The following CTNNA3 variants were observed in gnomAD, a reference collection of about 807,000 sequenced individuals.
CTNNA3 encodes the protein catenin alpha-3.
CTNNA3 carries 76 observed loss-of-function variants against 95.7 expected under a neutral mutation model. That is an observed-to-expected ratio of 0.79 (90% confidence interval 0.66 to 0.96). The LOEUF is 0.96. CTNNA3 is among the 40% of genes least tolerant of loss of function. The probability of loss-of-function intolerance (pLI) is 0.00; values close to 1 mark genes in which losing one functional copy is unlikely to be tolerated. For missense variants in CTNNA3, 1,191 were observed against 1,089.8 expected (o/e 1.09, Z -1.31); for synonymous variants, 431 against 374.4 (o/e 1.15, Z -1.74).
At position 67,087,608 on chromosome 10, in the gene CTNNA3, G is replaced by C. The variant is rs367916088; in HGVS notation, c.1047+92709C>G. ...TAGTTAAAATCAAATAAAAAATAAA[G>C]TGGATCTCAAACATCATAATGCAGT... On this transcript the variant is annotated intron_variant, in intron 7 of 17. Coordinates refer to ENST00000433211, the MANE Select transcript of CTNNA3 (RefSeq NM_013266.4). Among the ~76,000 whole-genome samples the C allele has an allele frequency of 4.8e-4, 73 of 151,912 alleles. 2 individuals are homozygous for C. The South Asian group carries it at 0.015, about 31-fold the overall frequency.
At chr10:67,199,154 G>A (rs190423384) in intron 6 of CTNNA3, among the ~76,000 whole-genome samples, 178 of 152,182 alleles carry the variant, frequency 1.2e-3, no homozygotes, top group Non-Finnish European at 1.4e-3. Flanking sequence ...AAAAGAAAGT[G>A]AAAGTAAAGA....
At chr10:65,955,463 G>A (rs542824445) in intron 17 of CTNNA3, among the ~76,000 whole-genome samples, 108 of 152,092 alleles carry the variant, frequency 7.1e-4, no homozygotes, top group Non-Finnish European at 1.2e-3. Context: ...CCTGTCTTGC[G>A]CCAGTTTTCA....
At chr10:66,192,730 A>G (rs1275353256) in intron 13 of CTNNA3, among the ~76,000 whole-genome samples, 3 of 152,062 alleles carry the variant, frequency 2.0e-5, no homozygotes, top group Admixed American at 6.6e-5. Flanking sequence ...GATGTTTGCA[A>G]TTTCTTTACC....
At chr10:66,472,307 T>C (rs1839165215) in intron 11 of CTNNA3, among the ~76,000 whole-genome samples, 1 of 151,908 alleles carries the variant, frequency 6.6e-6, no homozygotes, top group South Asian at 2.1e-4. Context: ...GGCAGTGTGT[T>C]CTACAGCAAA....
chr10:65,950,146 T>A (rs1443617827), intron 17 of CTNNA3, among the ~76,000 whole-genome samples: 4 of 150,362 alleles, frequency 2.7e-5, no homozygotes, highest in African/African-American at 9.7e-5. Flanking sequence ...ATTTCATTGA[T>A]TTTGCTAGGG....
intron 14 of CTNNA3, among the ~76,000 whole-genome samples, chr10:66,075,683 T>C (rs2080537173): frequency 6.6e-6 from 1 of 151,758 alleles, no homozygotes; most frequent in South Asian, 2.1e-4. Flanking sequence ...TATAATTATC[T>C]TATTCTCAGA....
chr10:66,830,405 TAGA>T (rs1261242639), intron 7 of CTNNA3, among the ~76,000 whole-genome samples: 1 of 151,604 alleles, frequency 6.6e-6, no homozygotes, highest in Non-Finnish European at 1.5e-5. Flanking sequence ...CATAGAATCT[TAGA>T]AGATTAGAAT....
intron 11 of CTNNA3, among the ~76,000 whole-genome samples, chr10:66,389,537 G>A (rs189101672): frequency 3.0e-4 from 46 of 152,010 alleles, no homozygotes; most frequent in Middle Eastern, 3.4e-3. Context: ...CTATTTTGTT[G>A]GAAAATAGTA....
At position 66,927,441 on chromosome 10, in the gene CTNNA3, A is replaced by C. The variant is rs1847142142; in HGVS notation, c.1048-151917T>G. The C allele has an allele frequency of 6.2e-7, 1 of 1,614,144 alleles. No homozygotes were observed. Among genetic ancestry groups the C allele is most frequent in the Non-Finnish European group, 8.5e-7 (1 of 1,180,044 alleles). On this transcript the variant is annotated intron_variant, in intron 7 of 17. Transcript: ENST00000433211. This position sits in a 1 kb window ranked among gnomAD's most constrained non-coding sequence, Gnocchi z 4.7. ...ACTCCCTGAGAACCATCCCTGTGCG[A>C]ATATTCCAAGACTGCCGCAACCTGG...
intron 12 of CTNNA3, among the ~76,000 whole-genome samples, chr10:66,331,342 GTTT>G (rs60709020): frequency 0.051 from 4,123 of 80,372 alleles, 1,042 homozygotes; most frequent in East Asian, 0.08. Context: ...CCCATTGTTT[GTTT>G]TTTTTTTTTT....
Position 66,700,970 on chromosome 10 carries a change from T to C in CTNNA3, c.1281+65294A>G, listed in dbSNP as rs115902545. On this transcript the variant is annotated intron_variant, in intron 9 of 17. Coordinates refer to ENST00000433211, the MANE Select transcript of CTNNA3 (RefSeq NM_013266.4). ...CTTTCTCTCTCATACTTTCCTACTA[T>C]TTTTAACAGCTTTATTGAGTTAAAA... is the stretch of plus-strand genomic sequence containing the variant. Among the ~76,000 whole-genome samples, 719 of 152,312 alleles carry C rather than the reference T, an allele frequency of 4.7e-3. 4 individuals are homozygous for C. Among genetic ancestry groups the C allele is most frequent in the African/African-American group, 0.016 (677 of 41,570 alleles).
intron 9 of CTNNA3, among the ~76,000 whole-genome samples, chr10:66,647,456 T>G (rs528779747): frequency 6.6e-6 from 1 of 152,196 alleles, no homozygotes; most frequent in South Asian, 2.1e-4. Flanking sequence ...CACAATGTAG[T>G]TAACATTTAA....
chr10:66,733,545 T>C (rs757644210), intron 9 of CTNNA3, among the ~76,000 whole-genome samples: 1 of 151,762 alleles, frequency 6.6e-6, no homozygotes, highest in Non-Finnish European at 1.5e-5. Flanking sequence ...TATATGTATA[T>C]ATTTTTTATT....
At chr10:67,321,829 A>G (rs1054634869) in intron 5 of CTNNA3, among the ~76,000 whole-genome samples, 1 of 152,138 alleles carries the variant, frequency 6.6e-6, no homozygotes, top group African/African-American at 2.4e-5. Context: ...GTTTCACCCT[A>G]CCACACACCT....
intron 5 of CTNNA3, among the ~76,000 whole-genome samples, chr10:67,480,359 A>G (rs928398161): frequency 6.6e-6 from 1 of 152,224 alleles, no homozygotes; most frequent in African/African-American, 2.4e-5. Context: ...ATTGCTAGGA[A>G]CAGGCCTCAA....
chr10:67,004,646 G>A (rs763052582), intron 7 of CTNNA3, among the ~76,000 whole-genome samples: 7 of 152,080 alleles, frequency 4.6e-5, no homozygotes, highest in Non-Finnish European at 8.8e-5. Context: ...GATAACTGAT[G>A]GCATTGGCAA....
chr10:67,212,475 C>T (rs578074618), intron 6 of CTNNA3, among the ~76,000 whole-genome samples: 5 of 151,958 alleles, frequency 3.3e-5, no homozygotes, highest in Admixed American at 2.6e-4. Flanking sequence ...GTTTTGGTAT[C>T]ATTCATATTG....
intron 7 of CTNNA3, among the ~76,000 whole-genome samples, chr10:66,831,606 A>G (rs1031276588): frequency 4.6e-5 from 7 of 152,316 alleles, no homozygotes; most frequent in African/African-American, 1.7e-4. Context: ...GCACCATGAA[A>G]GCAGCGGATA....
chr10:67,422,694 C>T (rs1270904277), intron 5 of CTNNA3, among the ~76,000 whole-genome samples: 1 of 152,078 alleles, frequency 6.6e-6, no homozygotes, highest in East Asian at 1.9e-4. Flanking sequence ...CTCTCTTTCT[C>T]CTGCTCCACC....
Sources: allele counts gnomAD v4.1 joint callset (sites outside exome capture counted in the v4.1 genomes callset), GRCh38; gene constraint gnomAD v4.1.1; non-coding constraint Gnocchi (gnomAD v3.1); transcripts MANE v1.5; gene names NCBI Gene and HGNC (gene_info 2026-07-23, HGNC 2026-07-21).